Variants in ZNF423 observed in about 807,000 individuals in gnomAD.
The protein encoded by ZNF423 is Ebf-associated zinc finger protein.
ZNF423 carries 12 observed loss-of-function variants against 95.8 expected under a neutral mutation model. That is an observed-to-expected ratio of 0.13 (90% CI 0.08 to 0.20). The LOEUF is 0.20. Ranked by LOEUF, ZNF423 falls within the 10% of genes least tolerant of loss-of-function variation. The probability of loss-of-function intolerance (pLI) is 1.00; values close to 1 mark genes in which losing one functional copy is unlikely to be tolerated. For synonymous variants in ZNF423, 749 were observed against 711.9 expected (o/e 1.05, Z -0.83); for missense variants, 1,316 against 1,737.1 (o/e 0.76, Z 4.31).
At chr16:49,770,837 G>C (rs577966909) in intron 2 of ZNF423, among the ~76,000 whole-genome samples, 62 of 152,316 alleles carry the variant, frequency 4.1e-4, no homozygotes, top group African/African-American at 1.4e-3. Context: ...CTGGCCCAGG[G>C]CACTAAGACT....
intron 1 of ZNF423, among the ~76,000 whole-genome samples, chr16:49,844,894 G>A (rs1471084084): frequency 6.6e-6 from 1 of 151,926 alleles, no homozygotes; most frequent in Non-Finnish European, 1.5e-5. Context: ...AATTAGCCAC[G>A]TGTGGTGGCA....
At chr16:49,524,950 C>T (rs886832353) in intron 6 of ZNF423, among the ~76,000 whole-genome samples, 1 of 152,294 alleles carries the variant, frequency 6.6e-6, no homozygotes, top group African/African-American at 2.4e-5. Flanking sequence ...CTAGGTAGGC[C>T]AGGGAAGGGG....
chr16:49,665,678 C>G (rs2030505004), intron 3 of ZNF423, among the ~76,000 whole-genome samples: 1 of 152,260 alleles, frequency 6.6e-6, no homozygotes, highest in East Asian at 1.9e-4. Context: ...CACCGCCCCC[C>G]ACCCCAGCTC....
intron 3 of ZNF423, among the ~76,000 whole-genome samples, chr16:49,727,016 G>T (rs577802996): frequency 2.0e-5 from 3 of 152,242 alleles, no homozygotes; most frequent in East Asian, 3.9e-4. Flanking sequence ...GGCTGGAGAG[G>T]AACAAAGAAA....
intron 1 of ZNF423, among the ~76,000 whole-genome samples, chr16:49,830,856 C>T (rs550650754): frequency 1.3e-5 from 2 of 152,268 alleles, no homozygotes; most frequent in South Asian, 2.1e-4. Context: ...GGAGATCTCA[C>T]AGCCCCTCAT....
rs575048945 is a variant in ZNF423, at chr16:49,561,494, T to A, written c.3602-36000A>T. Among the ~76,000 whole-genome samples the A allele has an allele frequency of 2.6e-5, 4 of 152,342 alleles. No individual in the cohort carries two copies. The South Asian group carries it at 8.3e-4, about 32-fold the overall frequency. ...TACTCCCCTTAATCCATAACCTCTC[T>A]TTATTCTTCGAAAGCAATATGAAAA... On this transcript the variant is annotated intron_variant, in intron 5 of 7. Coordinates refer to ENST00000563137, the MANE Select transcript of ZNF423 (RefSeq NM_001379286.1).
At chr16:49,567,523 A>G (rs1970230168) in intron 5 of ZNF423, among the ~76,000 whole-genome samples, 1 of 151,914 alleles carries the variant, frequency 6.6e-6, no homozygotes, top group African/African-American at 2.4e-5. Flanking sequence ...CAGCCCTGCC[A>G]TCTCGGTCGC....
At chr16:49,578,460 C>T (rs561170293) in intron 5 of ZNF423, among the ~76,000 whole-genome samples, 1 of 152,384 alleles carries the variant, frequency 6.6e-6, no homozygotes, top group East Asian at 1.9e-4. Flanking sequence ...AAAACAGACA[C>T]TCATCCCTGT....
intron 2 of ZNF423, among the ~76,000 whole-genome samples, chr16:49,762,620 C>A (rs1233458704): frequency 6.6e-6 from 1 of 152,146 alleles, no homozygotes; most frequent in East Asian, 1.9e-4. Context: ...CATAAGAAGG[C>A]CCAAGACTTA....
intron 3 of ZNF423, among the ~76,000 whole-genome samples, chr16:49,715,499 G>A (rs890908206): frequency 6.6e-6 from 1 of 152,348 alleles, no homozygotes; most frequent in South Asian, 2.1e-4. Flanking sequence ...CCAGTGCTTT[G>A]GGAGGCCAAG....
intron 2 of ZNF423, among the ~76,000 whole-genome samples, chr16:49,758,613 G>A (rs1299921002): frequency 6.6e-6 from 1 of 152,060 alleles, no homozygotes; most frequent in Non-Finnish European, 1.5e-5. Flanking sequence ...ATGGTGGCAT[G>A]CACCTGCAGT....
At position 49,489,853 on chromosome 16, in the gene ZNF423, T is replaced by C. The variant is rs925720978; in HGVS notation, c.*1422A>G. On this transcript the variant is annotated 3_prime_UTR_variant, in exon 8 of 8. Coordinates refer to ENST00000563137, the MANE Select transcript of ZNF423 (RefSeq NM_001379286.1). ...CATGATGGAGGTGTGGGAGGTAACA[T>C]GGAGGAGGCCTGGAGACCAAGGCTG... is the stretch of plus-strand genomic sequence containing the variant. 2.4e-4 allele frequency: 37 copies of C among 152,476 alleles called. No individual in the cohort carries two copies. Among genetic ancestry groups the C allele is most frequent in the African/African-American group, 8.2e-4 (34 of 41,434 alleles). 9.4% of individuals were successfully genotyped at this position (152,476 alleles called of 1,614,324 possible).
At chr16:49,701,245 CGTGCATGCGCACGTGTGT>C (rs1411437116) in intron 3 of ZNF423, among the ~76,000 whole-genome samples, 6 of 152,200 alleles carry the variant, frequency 3.9e-5, no homozygotes, top group Admixed American at 2.0e-4. Context: ...TGCACGTGTG[CGTGCATGCGCACGTGTGT>C]GTGTAGGGTG....
chr16:49,694,910 G>C (rs2031910903), intron 3 of ZNF423, among the ~76,000 whole-genome samples: 1 of 152,242 alleles, frequency 6.6e-6, no homozygotes, highest in African/African-American at 2.4e-5. Context: ...GGGAAACCAG[G>C]CAAAATATGA....
chr16:49,630,219 T>C (rs1158394708), intron 4 of ZNF423, among the ~76,000 whole-genome samples: 1 of 152,070 alleles, frequency 6.6e-6, no homozygotes, highest in African/African-American at 2.4e-5. Context: ...ACAAGGAGAC[T>C]ACAGGGCCTG....
At chr16:49,505,404 C>T (rs1336400344) in intron 7 of ZNF423, among the ~76,000 whole-genome samples, 2 of 152,186 alleles carry the variant, frequency 1.3e-5, no homozygotes, top group Non-Finnish European at 2.9e-5. Context: ...TTCCTGCATC[C>T]TCAAAATTTC....
intron 1 of ZNF423, among the ~76,000 whole-genome samples, chr16:49,821,158 TG>T (rs1175436308): frequency 2.0e-5 from 3 of 151,146 alleles, no homozygotes; most frequent in African/African-American, 7.3e-5. Flanking sequence ...TAATAAAATT[TG>T]AGACCTGAAC....
chr16:49,604,151 C>T (rs188290071), intron 5 of ZNF423, among the ~76,000 whole-genome samples: 2 of 152,366 alleles, frequency 1.3e-5, no homozygotes, highest in African/African-American at 4.8e-5. Context: ...GGGTCACCAT[C>T]AGCACCCCGC....
intron 5 of ZNF423, among the ~76,000 whole-genome samples, chr16:49,566,614 A>T (rs1293098921): frequency 6.6e-6 from 1 of 152,248 alleles, no homozygotes; most frequent in Non-Finnish European, 1.5e-5. Context: ...CAGCAGCTGT[A>T]TCTCTTTCAT....
Sources: allele counts gnomAD v4.1 joint callset (sites outside exome capture counted in the v4.1 genomes callset), GRCh38; gene constraint gnomAD v4.1.1; transcripts MANE v1.5; gene names NCBI Gene and HGNC (gene_info 2026-07-23, HGNC 2026-07-21).